The following NPAS3 variants were observed in gnomAD, a reference collection of about 807,000 sequenced individuals.
NPAS3 encodes the protein neuronal PAS domain-containing protein 3.
NPAS3 carries 14 observed loss-of-function variants against 73.1 expected under a neutral mutation model. The observed-to-expected ratio is 0.19, with a 90% CI of 0.13 to 0.30. The LOEUF (loss-of-function observed/expected upper bound fraction) is 0.30, where lower values mean the gene tolerates loss of function less well. NPAS3 is among the 10% of genes least tolerant of loss of function. The pLI is 1.00. For synonymous variants in NPAS3, 620 were observed against 541.5 expected, an observed-to-expected ratio of 1.14 and a Z score of -2.01; for missense variants, 1,096 against 1,250.0, an observed-to-expected ratio of 0.88 and a Z score of 1.86.
At chr14:33,152,980 C>T (rs555179816) in intron 2 of NPAS3, among the ~76,000 whole-genome samples, 9 of 152,024 alleles carry the variant, frequency 5.9e-5, no homozygotes, top group Admixed American at 3.3e-4. Flanking sequence ...CAATATATTT[C>T]GCTTGGCTGT....
chr14:33,340,215 C>A (rs2140307601), intron 3 of NPAS3, among the ~76,000 whole-genome samples: 1 of 152,288 alleles, frequency 6.6e-6, no homozygotes, highest in Admixed American at 6.5e-5. Flanking sequence ...TTTTTCCTGG[C>A]TAGGCATAGT....
intron 5 of NPAS3, among the ~76,000 whole-genome samples, chr14:33,623,351 A>G (rs1371395233): frequency 2.0e-5 from 3 of 152,198 alleles, no homozygotes; most frequent in Non-Finnish European, 4.4e-5. Context: ...CCCTGCAGTC[A>G]AAGTGAATGA....
At chr14:33,668,069 C>T (rs1307015283) in intron 5 of NPAS3, among the ~76,000 whole-genome samples, 1 of 152,212 alleles carries the variant, frequency 6.6e-6, no homozygotes, top group African/African-American at 2.4e-5. Context: ...TTGTTTCAAA[C>T]ACAGCTGCAA....
intron 5 of NPAS3, among the ~76,000 whole-genome samples, chr14:33,629,992 CAA>C (rs1455646048): frequency 6.6e-6 from 1 of 152,172 alleles, no homozygotes; most frequent in East Asian, 1.9e-4. Flanking sequence ...CACAATTTCT[CAA>C]GAGAGGGTAT....
intron 5 of NPAS3, among the ~76,000 whole-genome samples, chr14:33,620,969 A>G (rs1013504694): frequency 6.6e-6 from 1 of 152,164 alleles, no homozygotes; most frequent in African/African-American, 2.4e-5. Context: ...AAAATGCTTT[A>G]CCATTAGTAA....
intron 3 of NPAS3, among the ~76,000 whole-genome samples, chr14:33,236,486 AATTT>A (rs1360702584): frequency 1.3e-5 from 2 of 152,156 alleles, no homozygotes; most frequent in Non-Finnish European, 2.9e-5. Flanking sequence ...AAACGTTTGT[AATTT>A]ATTTGTAGAA....
chr14:33,749,662 A>T (rs1429278758), intron 7 of NPAS3, among the ~76,000 whole-genome samples: 2 of 152,130 alleles, frequency 1.3e-5, no homozygotes, highest in Admixed American at 1.3e-4. Context: ...ACAGCGGAGG[A>T]CTGTTAAGCT....
intron 4 of NPAS3, among the ~76,000 whole-genome samples, chr14:33,459,653 AATG>A (rs2050169987): frequency 6.6e-6 from 1 of 152,186 alleles, no homozygotes; most frequent in Non-Finnish European, 1.5e-5. Flanking sequence ...TGTTGGTAAA[AATG>A]ATATACAAAA....
intron 3 of NPAS3, among the ~76,000 whole-genome samples, chr14:33,255,876 C>G (rs2048762304): frequency 6.6e-6 from 1 of 152,092 alleles, no homozygotes; most frequent in African/African-American, 2.4e-5. Flanking sequence ...TACAAAGGTT[C>G]AGGTCAGTAA....
chr14:32,980,451 A>T (rs1043910527), intron 1 of NPAS3, among the ~76,000 whole-genome samples: 11 of 152,358 alleles, frequency 7.2e-5, no homozygotes, highest in African/African-American at 2.6e-4. Context: ...AATTTGCATG[A>T]GAACCTTCTC....
chr14:33,612,015 T>A (rs957526708), intron 5 of NPAS3, among the ~76,000 whole-genome samples: 2 of 152,140 alleles, frequency 1.3e-5, no homozygotes, highest in Admixed American at 1.3e-4. Flanking sequence ...CTGCAGATGC[T>A]GAGTGGCCAG....
chr14:33,560,209 A>T, exon 5 of NPAS3: 1 of 864,174 alleles, frequency 1.2e-6, no homozygotes. Flanking sequence ...GGCCTCTCAC[A>T]AGTAAGTAAA....
chr14:33,456,989 A>G (rs1233389464), intron 4 of NPAS3, among the ~76,000 whole-genome samples: 5 of 152,194 alleles, frequency 3.3e-5, no homozygotes, highest in Non-Finnish European at 5.9e-5. Flanking sequence ...ATGAGGTCCA[A>G]TGCAGTCCCA....
At chr14:33,139,654 C>T (rs1356451153) in intron 2 of NPAS3, among the ~76,000 whole-genome samples, 1 of 152,212 alleles carries the variant, frequency 6.6e-6, no homozygotes, top group Non-Finnish European at 1.5e-5. Flanking sequence ...CCATACAATA[C>T]TGCACAGTCC....
intron 5 of NPAS3, among the ~76,000 whole-genome samples, chr14:33,619,352 T>C (rs1407374415): frequency 6.6e-6 from 1 of 152,200 alleles, no homozygotes; most frequent in East Asian, 1.9e-4. Context: ...AGCATTTCTC[T>C]GTTCCTGAAG....
intron 7 of NPAS3, among the ~76,000 whole-genome samples, chr14:33,767,020 C>T (rs770368849): frequency 1.3e-5 from 2 of 152,220 alleles, no homozygotes; most frequent in Non-Finnish European, 2.9e-5. Context: ...TCTGCTTCTG[C>T]CTCCCAGAAG....
In NPAS3 at chr14:33,769,145, G is replaced by C. The variant is rs1302805712; in HGVS notation, c.853-5192G>C. ...TCAGCTACTCAAAGTGGGTAAAAATGCCTTTGGCACTCTTATGTATGTTTT... is the reference window on the plus strand; with the variant it reads ...TCAGCTACTCAAAGTGGGTAAAAATCCCTTTGGCACTCTTATGTATGTTTT... On this transcript the variant is annotated intron_variant, in intron 7 of 11. Coordinates refer to ENST00000356141, the Ensembl canonical transcript of NPAS3. Among the ~76,000 whole-genome samples, 3 of 152,140 alleles carry C rather than the reference G, an allele frequency of 2.0e-5. No individual in the cohort carries two copies. In the East Asian group the frequency reaches 5.8e-4, roughly 29 times the overall value.
At chr14:33,432,346 A>G (rs2048818841) in intron 4 of NPAS3, among the ~76,000 whole-genome samples, 1 of 152,118 alleles carries the variant, frequency 6.6e-6, no homozygotes, top group African/African-American at 2.4e-5. Flanking sequence ...GCTTGTGAGG[A>G]CTTATTAGTT....
At chr14:33,039,859 T>C (rs2040294457) in intron 1 of NPAS3, among the ~76,000 whole-genome samples, 1 of 152,188 alleles carries the variant, frequency 6.6e-6, no homozygotes, top group Non-Finnish European at 1.5e-5. Context: ...TCTGGCTAAC[T>C]TTAGATTGAT....
Sources: allele counts gnomAD v4.1 joint callset (sites outside exome capture counted in the v4.1 genomes callset), GRCh38; gene constraint gnomAD v4.1.1; transcripts MANE v1.5; gene names NCBI Gene and HGNC (gene_info 2026-07-23, HGNC 2026-07-21).